The following CCAR2 variants were observed in gnomAD, a reference collection of about 807,000 sequenced individuals.
The protein encoded by CCAR2 is cell cycle and apoptosis regulator 2, also known as cell cycle and apoptosis regulator protein 2.
CCAR2 carries 21 observed loss-of-function variants against 108.1 expected under a neutral mutation model. The ratio of observed to expected loss-of-function variants is 0.19; its 90% CI spans 0.14 to 0.28. The LOEUF is 0.28. Ranked by LOEUF, CCAR2 falls within the 10% of genes least tolerant of loss-of-function variation. The probability of loss-of-function intolerance (pLI) is 1.00; values close to 1 mark genes in which losing one functional copy is unlikely to be tolerated. For synonymous variants in CCAR2, 577 were observed against 472.8 expected (o/e 1.22, Z -2.86); for missense variants, 1,126 against 1,177.0 (o/e 0.96, Z 0.63).
At chr8:22,621,348 G>C, downstream of CCAR2, 1 of 1,518,884 alleles carries the variant, frequency 6.6e-7, no homozygotes, top group South Asian at 1.2e-5. Context: ...TGTGAGAGGA[G>C]CAGCTAGCCC....
chr8:22,619,978 GCTGACTTTCTCCTGTCCTCT>G lies in CCAR2; in HGVS notation c.*297_*316del. The G allele has an allele frequency of 2.2e-6, 1 of 460,560 alleles. No homozygotes were observed. Among genetic ancestry groups the G allele is most frequent in the Non-Finnish European group, 4.0e-6 (1 of 251,550 alleles). The allele number at this position is 460,560 out of a possible 1,614,324, so 28.5% of individuals were successfully genotyped here. On this transcript the variant is annotated 3_prime_UTR_variant, in exon 21 of 21. Coordinates refer to ENST00000308511, the MANE Select transcript of CCAR2 (RefSeq NM_001393997.1). ...TCTCCTGGGGCCCTTTTAGTCTTGT[GCTGACTTTCTCCTGTCCTCT>G]TCCAGTTTAGAATAAGACAGGGGAG... is the stretch of plus-strand genomic sequence containing the variant.
Position 22,614,172 on chromosome 8 carries a change from G to C in CCAR2, c.785G>C (p.Ser262Thr), listed in dbSNP as rs1461718854. 1 of 1,613,968 alleles carries C rather than the reference G, an allele frequency of 6.2e-7. No individual in the cohort carries two copies. The highest frequency in any genetic ancestry group is 8.5e-7 in the Non-Finnish European group (1 of 1,180,054). The change falls in exon 9 of 21, where the codon AGT (serine) becomes ACT (threonine). Residue 262 changes from serine (S) to threonine (T), a missense_variant. Coordinates refer to ENST00000308511, the MANE Select transcript of CCAR2 (RefSeq NM_001393997.1). ...VPSDFLSVHL[S>T]WLSAFPLSQP... is the part of the protein sequence containing the mutation. Reference sequence around the variant, plus strand: ...TCAGATTTTCTGTCCGTGCATCTGAGTTGGCTATCAGCCTTCCCCCTGAGC... The same window carrying C: ...TCAGATTTTCTGTCCGTGCATCTGACTTGGCTATCAGCCTTCCCCCTGAGC...
chr8:22,611,377 AAAG>A (rs1458966869), intron 7 of CCAR2, among the ~76,000 whole-genome samples: 3 of 55,388 alleles, frequency 5.4e-5, no homozygotes, highest in African/African-American at 2.3e-4. Context: ...AAAAAAAAAA[AAAG>A]TATATATATG....
chr8:22,614,957 T>C lies in CCAR2; in HGVS notation c.1161T>C (p.Cys387=). 6.2e-7 allele frequency: 1 copy of C among 1,607,958 alleles called. No homozygotes were observed. The highest frequency in any genetic ancestry group is 8.5e-7 in the Non-Finnish European group (1 of 1,177,328). The change falls in exon 11 of 21, where the codon TGT becomes TGC. Residue 387 remains cysteine, a synonymous_variant. Coordinates refer to ENST00000308511, the MANE Select transcript of CCAR2 (RefSeq NM_001393997.1). ...PQVLVRTAIR[C]AQAQTGIDLS... is the part of the protein sequence containing the mutation. The stretch of plus-strand genomic sequence containing the variant: ...TGCTGGTGCGTACCGCCATCCGCTG[T>C]GCGCAGGCCCAGACTGGCATTGATT...
At chr8:22,611,408 GTGTGTGTATATA>G (rs1398005581) in intron 7 of CCAR2, among the ~76,000 whole-genome samples, 1 of 146,340 alleles carries the variant, frequency 6.8e-6, no homozygotes, top group Non-Finnish European at 1.5e-5. Flanking sequence ...GTGTGTGTAT[GTGTGTGTATATA>G]TGTGTGTATA....
chr8:22,614,286 C>A lies in CCAR2; in HGVS notation c.899C>A (p.Ala300Glu). Residue 300 changes from alanine (A) to glutamate (E), a missense_variant, in exon 9 of 21, where the codon GCA becomes GAA. Ala to Glu is a moderately radical substitution (Grantham distance 107, BLOSUM62 -1). This residue lies in a region of CCAR2 where 1,013 missense variants were observed against 993.9 expected (regional missense o/e 1.02). Transcript: ENST00000308511. Reference sequence around the variant, plus strand: ...GACGCTGGTGCTGAGCCCATCACTGCAGACAGTGACCCCGCTTATAGTTCG... The same window carrying A: ...GACGCTGGTGCTGAGCCCATCACTGAAGACAGTGACCCCGCTTATAGTTCG... Reference protein sequence around the residue: ...APDAGAEPITADSDPAYSSKV... With the variant: ...APDAGAEPITEDSDPAYSSKV... 1 of 1,614,038 alleles carries A rather than the reference C, an allele frequency of 6.2e-7. No individual in the cohort carries two copies. Among genetic ancestry groups the A allele is most frequent in the Non-Finnish European group, 8.5e-7 (1 of 1,179,992 alleles).
At position 22,617,731 on chromosome 8, in the gene CCAR2, G is replaced by A. The variant is rs773753107; in HGVS notation, c.2026G>A (p.Val676Ile). Residue 676 changes from valine (V) to isoleucine (I), a missense_variant, in exon 16 of 21, where the codon GTT (valine) becomes ATT (isoleucine). By Grantham distance (29) the Val-to-Ile change is conservative. Around this residue, in one of 4 missense-constraint regions of CCAR2, gnomAD observed 1,013 missense variants for 993.9 expected, o/e 1.02. Coordinates refer to ENST00000308511, the MANE Select transcript of CCAR2 (RefSeq NM_001393997.1). ...GCTGGAGGATTCGGAGGTCCGGTCC[G>A]TTGCCTCAAACCAGTCAGAGATGGA... ...AKLEDSEVRS[V>I]ASNQSEMEFS... is the part of the protein sequence containing the mutation. 3.1e-6 allele frequency: 5 copies of A among 1,614,118 alleles called. No individual in the cohort carries two copies. The highest frequency in any genetic ancestry group is 4.2e-6 in the Non-Finnish European group (5 of 1,180,026).
chr8:22,616,300 C>A (rs1485205048), intron 14 of CCAR2, 52 bp downstream of exon 14: 2 of 1,541,148 alleles, frequency 1.3e-6, no homozygotes, highest in Non-Finnish European at 1.8e-6. Flanking sequence ...GACCGCGCAC[C>A]TTTACCCCGG....
chr8:22,618,999 A>C lies in CCAR2; in HGVS notation c.2505A>C (p.Thr835=). ...GRLYLENKIH[T]LELKLEESHN... ...TCTACCTAGAGAACAAGATCCACAC[A>C]CTGGAGCTGAAGCTGGGTGAGGGCC... Residue 835 remains threonine, a synonymous_variant, in exon 19 of 21, where the codon ACA becomes ACC. Coordinates refer to ENST00000308511, the MANE Select transcript of CCAR2 (RefSeq NM_001393997.1). 6.2e-7 allele frequency: 1 copy of C among 1,613,212 alleles called. No homozygotes were observed. The highest frequency in any genetic ancestry group is 8.5e-7 in the Non-Finnish European group (1 of 1,179,884).
In CCAR2 at chr8:22,614,502, A is replaced by G; in HGVS notation, c.1040A>G (p.Lys347Arg). 1.2e-6 allele frequency: 2 copies of G among 1,613,386 alleles called. No individual in the cohort carries two copies. The highest frequency in any genetic ancestry group is 1.7e-6 in the Non-Finnish European group (2 of 1,179,490). ...CCAGAGCATCCTCTGAAGCAGATTA[A>G]GGTAAGAGCTGGAGAGCAGGAGGAG... ...ETPEHPLKQI[K>R]FLLGRKEEEA... The change falls in exon 10 of 21, where the codon AAG becomes AGG. Residue 347 changes from lysine (K) to arginine (R), a missense_variant and splice_region_variant. Lys to Arg is a conservative substitution (Grantham distance 26, BLOSUM62 2). Transcript: ENST00000308511.
chr8:22,610,079 A>G (rs1801217940), intron 7 of CCAR2, among the ~76,000 whole-genome samples: 1 of 152,174 alleles, frequency 6.6e-6, no homozygotes, highest in Non-Finnish European at 1.5e-5. Context: ...CAAACCCAGG[A>G]TGCTTCTGGT....
intron 7 of CCAR2, among the ~76,000 whole-genome samples, chr8:22,611,575 C>T (rs1039936497): frequency 6.6e-6 from 1 of 152,016 alleles, no homozygotes; most frequent in Non-Finnish European, 1.5e-5. Flanking sequence ...AGGAAAATCT[C>T]TTGCCACTCT....
rs201097172 is a variant in CCAR2, at chr8:22,618,684, G to A, written c.2288G>A (p.Arg763His). Reference protein sequence around the residue: ...ICQYRSLQYSRQEGLDGGLPE... With the variant: ...ICQYRSLQYSHQEGLDGGLPE... The stretch of plus-strand genomic sequence containing the variant: ...CAGTACCGGAGCCTTCAGTACAGCC[G>A]CCAGGAGGGCCTGGATGGTGGCCTT... Residue 763 changes from arginine to histidine, a missense_variant, in exon 18 of 21, where the codon CGC (arginine) becomes CAC (histidine). By Grantham distance (29) the Arg-to-His change is conservative (BLOSUM62 0). Coordinates refer to ENST00000308511, the MANE Select transcript of CCAR2 (RefSeq NM_001393997.1). The A allele has an allele frequency of 1.5e-5, 24 of 1,613,942 alleles. No individual in the cohort carries two copies. The highest frequency in any genetic ancestry group is 6.7e-5 in the East Asian group (3 of 44,886).
chr8:22,607,414 T>C, intron 6 of CCAR2, 89 bp downstream of exon 6: 2 of 1,501,190 alleles, frequency 1.3e-6, no homozygotes, highest in Non-Finnish European at 1.8e-6. Flanking sequence ...AGCATAGAGG[T>C]GGGTACTTCT....
chr8:22,604,935 C>G (rs952957594), intron 1 of CCAR2, 93 bp downstream of exon 1: 2 of 355,104 alleles, frequency 5.6e-6, no homozygotes, highest in Non-Finnish European at 1.1e-5. Context: ...GGCGAAGATG[C>G]GTGGGGCGCG....
intron 6 of CCAR2, among the ~76,000 whole-genome samples, chr8:22,607,616 C>T (rs6987140): frequency 0.034 from 5,162 of 151,686 alleles, 302 homozygotes; most frequent in African/African-American, 0.12. Context: ...TACAGGCGCC[C>T]GCCACCATGA....
In CCAR2 at chr8:22,615,816, C is replaced by G. The variant is rs77337016; in HGVS notation, c.1512C>G (p.Pro504=). The G allele has an allele frequency of 8.6e-4, 1,390 of 1,613,986 alleles. 16 individuals carry two copies. In the East Asian group the frequency reaches 0.028, roughly 32 times the overall value. Residue 504 remains proline (P), a synonymous_variant, in exon 13 of 21, where the codon CCC becomes CCG. Coordinates refer to ENST00000308511, the MANE Select transcript of CCAR2 (RefSeq NM_001393997.1). ...DTDLPEAPPP[P]LEPAVIARPG... is the part of the protein sequence containing the mutation. ...ATCTCCCAGAGGCCCCTCCACCCCC[C>G]CTAGAACCTGCTGTCATCGCACGCC...
chr8:22,604,952 G>A (rs1801006292), intron 1 of CCAR2, 110 bp downstream of exon 1: 4 of 344,778 alleles, frequency 1.2e-5, no homozygotes, highest in South Asian at 2.1e-5. Flanking sequence ...CGCGGAAGGG[G>A]CCGAGCCCCT....
In CCAR2 at chr8:22,613,055, G is replaced by T; in HGVS notation, c.623G>T (p.Gly208Val). 1 of 1,613,276 alleles carries T rather than the reference G, an allele frequency of 6.2e-7. No homozygotes were observed. The highest frequency in any genetic ancestry group is 8.5e-7 in the Non-Finnish European group (1 of 1,179,768). The change falls in exon 8 of 21, where the codon GGT becomes GTT. Residue 208 changes from glycine (G) to valine (V), a missense_variant. By Grantham distance (109) the Gly-to-Val change is moderately radical. Transcript: ENST00000308511. The stretch of plus-strand genomic sequence containing the variant: ...TCCAAGAAACGCAAACAGCGGGCTG[G>T]TGGAGAGCCCTGGGGTGCTAAGAAG... Reference protein sequence around the residue: ...YDSKKRKQRAGGEPWGAKKPR... With the variant: ...YDSKKRKQRAVGEPWGAKKPR...
Sources: gnomAD v4.1 joint callset for allele counts (sites outside exome capture counted in the v4.1 genomes callset) on GRCh38, gnomAD v4.1.1 for gene constraint, gnomAD v4.1.1 regional missense constraint, MANE v1.5 for transcripts, NCBI Gene and HGNC (gene_info 2026-07-23, HGNC 2026-07-21) for gene names.